The following NUBPL variants were observed in gnomAD, a reference collection of about 807,000 sequenced individuals.
The protein encoded by NUBPL is iron-sulfur cluster transfer protein NUBPL.
A neutral mutation model predicts 45.7 loss-of-function variants in NUBPL; 31 were observed. That is an observed-to-expected ratio of 0.68 (90% CI 0.51 to 0.92). NUBPL has a LOEUF of 0.92. Ranked by LOEUF, NUBPL falls within the 40% of genes least tolerant of loss-of-function variation. The pLI is 0.00. For synonymous variants in NUBPL, 144 were observed against 140.9 expected, an observed-to-expected ratio of 1.02 and a Z score of -0.15; for missense variants, 401 against 398.7, an observed-to-expected ratio of 1.01 and a Z score of -0.05.
chr14:31,824,547 TTTTTTCCTGAAATGA>T (rs1210009551), intron 7 of NUBPL, among the ~76,000 whole-genome samples: 3 of 152,182 alleles, frequency 2.0e-5, no homozygotes, highest in African/African-American at 7.2e-5. Flanking sequence ...TGTAAAAGAT[TTTTTTCCTGAAATGA>T]AGATGCTGAT....
At chr14:31,644,877 G>T (rs1487227169) in intron 4 of NUBPL, among the ~76,000 whole-genome samples, 1 of 151,876 alleles carries the variant, frequency 6.6e-6, no homozygotes, top group African/African-American at 2.4e-5. Flanking sequence ...CTTGGTAATT[G>T]ACCCCTTTAT....
intron 4 of NUBPL, among the ~76,000 whole-genome samples, chr14:31,629,247 A>G (rs1468423267): frequency 6.6e-6 from 1 of 152,158 alleles, no homozygotes; most frequent in East Asian, 1.9e-4. Context: ...TATAGATCTC[A>G]GGAAATTACT....
intron 4 of NUBPL, among the ~76,000 whole-genome samples, chr14:31,616,124 C>T (rs2034892252): frequency 1.3e-5 from 2 of 152,162 alleles, no homozygotes; most frequent in South Asian, 4.2e-4. Context: ...TATCCTTTGC[C>T]CACTTTTTGA....
At chr14:31,793,854 T>A (rs2039432903) in intron 7 of NUBPL, among the ~76,000 whole-genome samples, 1 of 118,358 alleles carries the variant, frequency 8.4e-6, no homozygotes, top group Non-Finnish European at 1.5e-5. Flanking sequence ...TTTTTTTTTA[T>A]TTTTTCCCAA....
At chr14:31,683,352 CTTTTTTTTTTT>C (rs34890900) in intron 6 of NUBPL, among the ~76,000 whole-genome samples, 1 of 91,030 alleles carries the variant, frequency 1.1e-5, no homozygotes, top group Admixed American at 1.6e-4. Context: ...ATAAAACAAT[CTTTTTTTTTTT>C]TTTTTTTTTT....
At chr14:31,739,220 A>C (rs12433717) in intron 6 of NUBPL, among the ~76,000 whole-genome samples, 6 of 21,030 alleles carry the variant, frequency 2.9e-4, no homozygotes, top group East Asian at 9.4e-3. Flanking sequence ...ATATTATATT[A>C]TATATATATA....
chr14:31,827,661 T>C (rs1302629646), intron 8 of NUBPL, among the ~76,000 whole-genome samples: 1 of 152,214 alleles, frequency 6.6e-6, no homozygotes. Flanking sequence ...TTTTAAACTT[T>C]AGTCTGTAGA....
intron 4 of NUBPL, among the ~76,000 whole-genome samples, chr14:31,627,720 C>T (rs1287321717): frequency 3.4e-5 from 5 of 145,460 alleles, no homozygotes; most frequent in Non-Finnish European, 4.5e-5. Flanking sequence ...GAGCTGAGAT[C>T]GTGCCACTGC....
intron 6 of NUBPL, among the ~76,000 whole-genome samples, chr14:31,746,517 T>C (rs897060307): frequency 2.6e-5 from 4 of 152,166 alleles, no homozygotes; most frequent in Non-Finnish European, 5.9e-5. Context: ...CATCCTTGCA[T>C]TCCTGGGATG....
chr14:31,802,009 T>C (rs904777847), intron 7 of NUBPL, among the ~76,000 whole-genome samples: 1 of 152,224 alleles, frequency 6.6e-6, no homozygotes, highest in African/African-American at 2.4e-5. Context: ...TTTGACTGTG[T>C]CCCACAAAAG....
At chr14:31,734,010 T>C (rs1207714014) in intron 6 of NUBPL, among the ~76,000 whole-genome samples, 3 of 152,346 alleles carry the variant, frequency 2.0e-5, no homozygotes, top group East Asian at 1.9e-4. Context: ...TTTTCTGCAT[T>C]TGTTGAAGTG....
At chr14:31,847,345 T>C (rs2040470253) in intron 9 of NUBPL, among the ~76,000 whole-genome samples, 1 of 152,260 alleles carries the variant, frequency 6.6e-6, no homozygotes, top group Non-Finnish European at 1.5e-5. Flanking sequence ...TTAGTCTTTC[T>C]GCTTTAGAAT....
At chr14:31,634,440 A>G (rs1319665533) in intron 4 of NUBPL, among the ~76,000 whole-genome samples, 1 of 151,976 alleles carries the variant, frequency 6.6e-6, no homozygotes, top group African/African-American at 2.4e-5. Flanking sequence ...ATGGCTGCAT[A>G]GTATTCCATG....
At chr14:31,853,080 GTGTTTTGTTTTGTTT>G (rs77960720) in intron 10 of NUBPL, among the ~76,000 whole-genome samples, 3 of 118,300 alleles carry the variant, frequency 2.5e-5, no homozygotes, top group African/African-American at 1.1e-4. Flanking sequence ...GTGTTGTGTT[GTGTTTTGTTTTGTTT>G]TGTTTTGTTT....
chr14:31,767,414 C>T (rs1277743401), intron 6 of NUBPL, among the ~76,000 whole-genome samples: 6 of 152,130 alleles, frequency 3.9e-5, no homozygotes, highest in South Asian at 2.1e-4. Flanking sequence ...ACACCATCAC[C>T]GTGTTAGCTA....
chr14:31,578,156 G>A, intron 3 of NUBPL: 2 of 465,830 alleles, frequency 4.3e-6, no homozygotes, highest in South Asian at 3.1e-5. Context: ...CTTAGAGAAG[G>A]TTTTAGGTAA....
At chr14:31,707,199 A>G (rs1028246186) in intron 6 of NUBPL, among the ~76,000 whole-genome samples, 6 of 152,204 alleles carry the variant, frequency 3.9e-5, no homozygotes, top group Non-Finnish European at 5.9e-5. Flanking sequence ...TGGGTTAAGA[A>G]TTTTTGATAG....
intron 8 of NUBPL, among the ~76,000 whole-genome samples, chr14:31,835,404 T>G (rs2040265333): frequency 6.6e-6 from 1 of 152,214 alleles, no homozygotes. Context: ...CTGTGTGACC[T>G]TGAGCAAATA....
At chr14:31,625,823 C>T (rs1224491390) in intron 4 of NUBPL, among the ~76,000 whole-genome samples, 1 of 152,016 alleles carries the variant, frequency 6.6e-6, no homozygotes, top group Non-Finnish European at 1.5e-5. Context: ...GAAAAAATGT[C>T]AACACATTAA....
Sources: gnomAD v4.1 joint callset for allele counts (sites outside exome capture counted in the v4.1 genomes callset) on GRCh38, gnomAD v4.1.1 for gene constraint, MANE v1.5 for transcripts, NCBI Gene and HGNC (gene_info 2026-07-23, HGNC 2026-07-21) for gene names.